The following MCF2L variants were observed in gnomAD, a reference collection of about 807,000 sequenced individuals.
MCF2L encodes MCF.2 cell line derived transforming sequence like.
Under a neutral mutation model 153.4 loss-of-function variants are expected in MCF2L, and 97 were observed. The ratio of observed to expected loss-of-function variants is 0.63; its 90% CI spans 0.54 to 0.75. The LOEUF (loss-of-function observed/expected upper bound fraction) is 0.75, where lower values mean the gene tolerates loss of function less well. Among genes scored for constraint, MCF2L ranks in the 30% least tolerant of loss-of-function variants. MCF2L has a pLI of 0.00. For synonymous variants in MCF2L, 659 were observed against 632.2 expected (o/e 1.04, Z -0.64); for missense variants, 1,347 against 1,495.2 (o/e 0.90, Z 1.64).
At chr13:113,005,132 A>G (rs1298846073) in intron 1 of MCF2L, among the ~76,000 whole-genome samples, 1 of 152,242 alleles carries the variant, frequency 6.6e-6, no homozygotes, top group Non-Finnish European at 1.5e-5. Context: ...GGCACACACA[A>G]TAGAGTGCTG....
rs2031974363 is a variant in MCF2L, at chr13:113,064,032, A to G, written c.490-272A>G. 1 of 463,904 alleles carries G rather than the reference A, an allele frequency of 2.2e-6. No individual in the cohort carries two copies. Among genetic ancestry groups the G allele is most frequent in the Non-Finnish European group, 4.0e-6 (1 of 247,060 alleles). 28.7% of individuals were successfully genotyped at this position (463,904 alleles called of 1,614,324 possible). ...TATGGCTAGTGTGCAGTGCCTGCCA[A>G]ATAGCAGGGAAGGAGGGCGCACGGA... On this transcript the variant is annotated intron_variant, in intron 5 of 29. Coordinates refer to ENST00000535094, the MANE Select transcript of MCF2L (RefSeq NM_001112732.3). This position sits in a 1 kb window ranked among gnomAD's most constrained non-coding sequence, Gnocchi z 6.0.
At position 113,090,234 on chromosome 13, in the gene MCF2L, G is replaced by C. The variant is rs2142081526; in HGVS notation, c.2953+506G>C. On this transcript the variant is annotated intron_variant, in intron 26 of 29. Transcript: ENST00000535094. ...TCATGCATCGTGTGTGACCATTCGTGCCTCCTTCGTCACAAGGGCGGCCAC... is the reference window on the plus strand; with the variant it reads ...TCATGCATCGTGTGTGACCATTCGTCCCTCCTTCGTCACAAGGGCGGCCAC... 6 of 1,423,340 alleles carry C rather than the reference G, an allele frequency of 4.2e-6. No individual in the cohort carries two copies. In the South Asian group the frequency reaches 7.4e-5, roughly 18 times the overall value. 88.2% of individuals were successfully genotyped at this position (1,423,340 alleles called of 1,614,324 possible). A position where few individuals can be genotyped will look rare whatever the true frequency, so the allele number is the denominator to read the frequency against.
chr13:113,048,653 A>G (rs2086992309), intron 4 of MCF2L, among the ~76,000 whole-genome samples: 1 of 152,044 alleles, frequency 6.6e-6, no homozygotes, highest in Non-Finnish European at 1.5e-5. Context: ...CACGTTAGCC[A>G]GGATGGTCTC....
intron 2 of MCF2L, among the ~76,000 whole-genome samples, chr13:112,911,923 C>T (rs74115716): frequency 0.09 from 13,656 of 152,276 alleles, 1,240 homozygotes; most frequent in African/African-American, 0.23. Flanking sequence ...AAAGGCTACA[C>T]GCAGGCTAGG....
intron 1 of MCF2L, among the ~76,000 whole-genome samples, chr13:112,973,014 C>T (rs1012075289): frequency 6.6e-6 from 1 of 151,802 alleles, no homozygotes; most frequent in African/African-American, 2.4e-5. Context: ...CTGTTCGGCA[C>T]CCCCCAGTTG....
chr13:112,997,860 G>A (rs2083203909), intron 1 of MCF2L, among the ~76,000 whole-genome samples: 1 of 152,264 alleles, frequency 6.6e-6, no homozygotes, highest in South Asian at 2.1e-4. Context: ...CTGATCTGGG[G>A]CTGGCGTGTG....
chr13:113,051,338 G>C (rs1017402058), intron 4 of MCF2L, among the ~76,000 whole-genome samples: 1 of 152,200 alleles, frequency 6.6e-6, no homozygotes, highest in African/African-American at 2.4e-5. Context: ...TCCCTACTCC[G>C]GTGGTCCCAG....
intron 2 of MCF2L, among the ~76,000 whole-genome samples, chr13:112,936,492 T>C (rs1463477010): frequency 6.6e-6 from 1 of 152,162 alleles, no homozygotes. Context: ...GGCTTTGATC[T>C]AATGCTGGTT....
chr13:112,977,438 G>T (rs777105775), intron 1 of MCF2L, among the ~76,000 whole-genome samples: 1 of 152,182 alleles, frequency 6.6e-6, no homozygotes, highest in Non-Finnish European at 1.5e-5. Context: ...GCGTTTTCAC[G>T]ATGGTCGCTG....
Position 113,046,395 on chromosome 13 carries a change from C to T in MCF2L, c.369+1034C>T, listed in dbSNP as rs926508918. 2 of 417,316 alleles carry T rather than the reference C, an allele frequency of 4.8e-6. No individual in the cohort carries two copies. Among genetic ancestry groups the T allele is most frequent in the Non-Finnish European group, 4.7e-6 (1 of 211,796 alleles). The allele number at this position is 417,316 out of a possible 1,614,324, so 25.9% of individuals were successfully genotyped here. On this transcript the variant is annotated intron_variant, in intron 4 of 29. Coordinates refer to ENST00000535094, the MANE Select transcript of MCF2L (RefSeq NM_001112732.3). The surrounding 1 kb of genome is among the most constrained non-coding windows in gnomAD (Gnocchi z 4.4). ...GCTGTGATGGCACAATTGCTCCAAG[C>T]ATTCCCCAGCACCAAACCCCAGTGA...
chr13:112,947,836 ACT>A (rs2081653136), intron 2 of MCF2L, among the ~76,000 whole-genome samples: 2 of 150,750 alleles, frequency 1.3e-5, no homozygotes, highest in East Asian at 3.9e-4. Context: ...CCTGGTGGAG[ACT>A]CTCTGTGGTG....
At chr13:112,928,220 C>T (rs1318579294) in intron 2 of MCF2L, among the ~76,000 whole-genome samples, 3 of 152,288 alleles carry the variant, frequency 2.0e-5, no homozygotes, top group East Asian at 3.9e-4. Context: ...GAAACGCGGC[C>T]GGCCGTGCAC....
upstream of MCF2L, chr13:112,968,436 C>G: frequency 1.9e-6 from 3 of 1,583,774 alleles, no homozygotes; most frequent in Non-Finnish European, 2.6e-6. Context: ...CTGCGTGTGT[C>G]GAGTGCACAG....
At position 113,005,518 on chromosome 13, in the gene MCF2L, G is replaced by A. The variant is rs1460342832; in HGVS notation, c.80-9245G>A. The stretch of plus-strand genomic sequence containing the variant: ...TGGCCATGGTTGGTTTGTGGTGGCC[G>A]TGGTCTGTTTGTGGTGGCCGTGGTT... On this transcript the variant is annotated intron_variant, in intron 1 of 29. Coordinates refer to ENST00000535094, the MANE Select transcript of MCF2L (RefSeq NM_001112732.3). 7.9e-5 allele frequency among the ~76,000 whole-genome samples: 12 copies of A among 151,998 alleles called. 1 individual carries two copies. The highest frequency in any genetic ancestry group is 1.3e-4 in the Non-Finnish European group (9 of 68,000).
chr13:112,901,602 G>A (rs573895074), intron 1 of MCF2L, among the ~76,000 whole-genome samples: 1 of 152,258 alleles, frequency 6.6e-6, no homozygotes, highest in East Asian at 1.9e-4. Flanking sequence ...AAGGGCTGCC[G>A]GCAAGTGACT....
chr13:113,039,847 T>C (rs1164019913), intron 3 of MCF2L, among the ~76,000 whole-genome samples: 1 of 152,190 alleles, frequency 6.6e-6, no homozygotes, highest in Non-Finnish European at 1.5e-5. Context: ...TTCTGGCAGG[T>C]GTACATTTGT....
intron 1 of MCF2L, among the ~76,000 whole-genome samples, chr13:112,984,908 G>A (rs1309341284): frequency 6.6e-6 from 1 of 152,022 alleles, no homozygotes; most frequent in Non-Finnish European, 1.5e-5. Context: ...TCAGCATTTG[G>A]GGCCGTGATC....
intron 1 of MCF2L, among the ~76,000 whole-genome samples, chr13:113,013,658 T>C (rs1333711828): frequency 6.6e-6 from 1 of 152,208 alleles, no homozygotes; most frequent in African/African-American, 2.4e-5. Context: ...TCCTCAGGTG[T>C]GGAAAAATTG....
chr13:112,901,443 A>C (rs938479467), intron 1 of MCF2L, among the ~76,000 whole-genome samples: 1 of 152,162 alleles, frequency 6.6e-6, no homozygotes, highest in African/African-American at 2.4e-5. Flanking sequence ...CGTGAGCCAC[A>C]ATACGGTTTA....
Sources: allele counts gnomAD v4.1 joint callset (sites outside exome capture counted in the v4.1 genomes callset), GRCh38; gene constraint gnomAD v4.1.1; non-coding constraint Gnocchi (gnomAD v3.1); transcripts MANE v1.5; gene names NCBI Gene and HGNC (gene_info 2026-07-23, HGNC 2026-07-21).